STARD9: variants seen among roughly 807,000 people sequenced by gnomAD.
STARD9 encodes StAR related lipid transfer domain containing 9.
In STARD9, 346 loss-of-function variants were observed where a neutral mutation model predicts 399.8. That is an observed-to-expected ratio of 0.87 (90% CI 0.79 to 0.95). The LOEUF (loss-of-function observed/expected upper bound fraction) is 0.95, where lower values mean the gene tolerates loss of function less well. Ranked by LOEUF, STARD9 falls within the 40% of genes least tolerant of loss-of-function variation. The probability of loss-of-function intolerance (pLI) is 0.00; values close to 1 mark genes in which losing one functional copy is unlikely to be tolerated. For missense variants in STARD9, 5,832 were observed against 5,667.5 expected (o/e 1.03, Z -0.93); for synonymous variants, 2,203 against 2,143.5 (o/e 1.03, Z -0.77).
intron 7 of STARD9, among the ~76,000 whole-genome samples, chr15:42,639,708 C>T (rs1231341393): frequency 2.0e-5 from 3 of 151,922 alleles, no homozygotes; most frequent in Admixed American, 2.0e-4. Flanking sequence ...ACTAAAAATA[C>T]AAAAGATTAG....
chr15:42,675,557 T>A, intron 18 of STARD9, 107 bp from the exon 19 acceptor site: 1 of 794,438 alleles, frequency 1.3e-6, no homozygotes, highest in South Asian at 1.6e-5. Context: ...AGCAAAATTA[T>A]CAGTTATCGA....
intron 26 of STARD9, among the ~76,000 whole-genome samples, chr15:42,711,643 A>G (rs2061226253): frequency 6.6e-6 from 1 of 152,174 alleles, no homozygotes; most frequent in Non-Finnish European, 1.5e-5. Flanking sequence ...ATGTTGTAAA[A>G]TATATGAGAG....
intron 3 of STARD9, among the ~76,000 whole-genome samples, chr15:42,587,498 C>G (rs1433895199): frequency 6.6e-6 from 1 of 152,216 alleles, no homozygotes; most frequent in Non-Finnish European, 1.5e-5. Flanking sequence ...TGAGTCTTCT[C>G]TGTCCTTTTG....
At position 42,675,745 on chromosome 15, in the gene STARD9, A is replaced by T; in HGVS notation, c.1769A>T (p.Gln590Leu). The T allele has an allele frequency of 2.6e-6, 4 of 1,537,028 alleles. No individual in the cohort carries two copies. Among genetic ancestry groups the T allele is most frequent in the Non-Finnish European group, 3.5e-6 (4 of 1,146,708 alleles). Residue 590 changes from glutamine (Q) to leucine (L), a missense_variant and splice_region_variant, in exon 19 of 33, where the codon CAG becomes CTG. By Grantham distance (113) the Gln-to-Leu change is moderately radical (BLOSUM62 -2). This residue lies in a region of STARD9 where 5,828 missense variants were observed against 5,651.1 expected (regional missense o/e 1.03). Transcript: ENST00000290607. Reference sequence around the variant, plus strand: ...GCTGCTGTCCTGCGGCAGCGAAGGCAGGTTAGCAGGGCTGTGTTTTCTAGG... The same window carrying T: ...GCTGCTGTCCTGCGGCAGCGAAGGCTGGTTAGCAGGGCTGTGTTTTCTAGG... ...AEAAVLRQRR[Q>L]VGEAAAGRGS... is the part of the protein sequence containing the mutation.
intron 3 of STARD9, among the ~76,000 whole-genome samples, chr15:42,601,584 C>A (rs2058631639): frequency 2.7e-5 from 4 of 150,940 alleles, no homozygotes; most frequent in African/African-American, 9.7e-5. Context: ...GGCTGCCCCC[C>A]CACCTCCCGG....
At chr15:42,586,414 CAA>C in intron 3 of STARD9, among the ~76,000 whole-genome samples, 1 of 152,316 alleles carries the variant, frequency 6.6e-6, no homozygotes, top group East Asian at 1.9e-4. Flanking sequence ...AGCTCTCGGT[CAA>C]GTTTCCAAGG....
chr15:42,595,915 A>G (rs2058493831), intron 3 of STARD9, among the ~76,000 whole-genome samples: 1 of 152,172 alleles, frequency 6.6e-6, no homozygotes, highest in African/African-American at 2.4e-5. Context: ...GCTGGATTTT[A>G]ATCTAACTTG....
chr15:42,645,121 A>G (rs1307837304), intron 7 of STARD9, among the ~76,000 whole-genome samples: 1 of 152,202 alleles, frequency 6.6e-6, no homozygotes, highest in Non-Finnish European at 1.5e-5. Flanking sequence ...AAACCCCTCA[A>G]TGTTGATATT....
chr15:42,685,546 G>A lies in STARD9; in HGVS notation c.3968G>A (p.Gly1323Asp). ...TCTGAACAAGCCGACTCTCTCCAAG[G>A]CATGCAGCTTTCAAGAGAGAGCCCA... is the stretch of plus-strand genomic sequence containing the variant. ...SYSEQADSLQ[G>D]MQLSRESPLM... The change falls in exon 23 of 33, where the codon GGC becomes GAC. Residue 1323 changes from glycine (G) to aspartate (D), a missense_variant. Gly to Asp is a moderately conservative substitution (Grantham distance 94, BLOSUM62 -1). Around this residue, in one of 2 missense-constraint regions of STARD9, gnomAD observed 5,828 missense variants for 5,651.1 expected, o/e 1.03. Transcript: ENST00000290607. 1 of 1,537,520 alleles carries A rather than the reference G, an allele frequency of 6.5e-7. No homozygotes were observed. Among genetic ancestry groups the A allele is most frequent in the Non-Finnish European group, 8.7e-7 (1 of 1,147,008 alleles).
intron 26 of STARD9, among the ~76,000 whole-genome samples, chr15:42,705,918 A>C (rs1048644359): frequency 1.3e-5 from 2 of 151,500 alleles, no homozygotes; most frequent in South Asian, 4.2e-4. Flanking sequence ...ACGCCTGGCT[A>C]ATTTTTGTGT....
rs1468219014 is a variant in STARD9 at position 42,716,714 on chromosome 15, T to A, written c.13322T>A (p.Ile4441Lys). Residue 4441 changes from isoleucine (I) to lysine (K), a missense_variant, in exon 27 of 33, where the codon ATA becomes AAA. Ile to Lys is a moderately radical substitution (Grantham distance 102, BLOSUM62 -3). Transcript: ENST00000290607. Reference sequence around the variant, plus strand: ...TTGCCTGATTCCAGGGATGTATGGATAGGGGATGAGCGAGGAGGCCATTCT... The same window carrying A: ...TTGCCTGATTCCAGGGATGTATGGAAAGGGGATGAGCGAGGAGGCCATTCT... ...TNLPDSRDVW[I>K]GDERGGHSAV... 3 of 1,536,920 alleles carry A rather than the reference T, an allele frequency of 2.0e-6. No individual in the cohort carries two copies. In the African/African-American group the frequency reaches 4.1e-5, roughly 21 times the overall value.
Position 42,687,404 on chromosome 15 carries a change from A to G in STARD9, c.5826A>G (p.Glu1942=). ...NVSLEKDMPG[E]SAVSLKSRSV... ...GCCTTGAGAAAGACATGCCAGGGGA[A>G]AGTGCTGTTTCTTTGAAATCCAGAT... is the stretch of plus-strand genomic sequence containing the variant. The change falls in exon 23 of 33, where the codon GAA becomes GAG. Residue 1942 remains glutamate (E), a synonymous_variant. Transcript: ENST00000290607. 6.5e-7 allele frequency: 1 copy of G among 1,536,914 alleles called. No individual in the cohort carries two copies. Among genetic ancestry groups the G allele is most frequent in the Non-Finnish European group, 8.7e-7 (1 of 1,146,910 alleles).
rs777883966 is a variant in STARD9, at chr15:42,687,527, A to G, written c.5949A>G (p.Lys1983=). The G allele has an allele frequency of 1.2e-5, 19 of 1,536,788 alleles. No individual in the cohort carries two copies. Among genetic ancestry groups the G allele is most frequent in the Non-Finnish European group, 1.4e-5 (16 of 1,146,718 alleles). ...AAAATGAAACTGGGCTTCTTGAAAA[A>G]GGTCTTCGTCCCAAAGATAGCTCAG... is the stretch of plus-strand genomic sequence containing the variant. ...EGKNETGLLE[K]GLRPKDSSEE... is the part of the protein sequence containing the mutation. The change falls in exon 23 of 33, where the codon AAA becomes AAG. Residue 1983 remains lysine, a synonymous_variant. Coordinates refer to ENST00000290607, the MANE Select transcript of STARD9 (RefSeq NM_020759.3).
At position 42,640,886 on chromosome 15, in the gene STARD9, CAT is replaced by C. The variant is rs560294077; in HGVS notation, c.559+2076_559+2077del. Among the ~76,000 whole-genome samples, 8 of 148,382 alleles carry C rather than the reference CAT, an allele frequency of 5.4e-5. No individual in the cohort carries two copies. The South Asian group carries it at 1.7e-3, about 32-fold the overall frequency. ...AGGAGTAACCATAGGAGACCTCAGA[CAT>C]AGTTCAGATATCCGCATTATACAGA... On this transcript the variant is annotated intron_variant, in intron 7 of 32. Coordinates refer to ENST00000290607, the MANE Select transcript of STARD9 (RefSeq NM_020759.3).
At chr15:42,607,856 G>A (rs1328637235) in intron 3 of STARD9, among the ~76,000 whole-genome samples, 1 of 151,956 alleles carries the variant, frequency 6.6e-6, no homozygotes, top group Non-Finnish European at 1.5e-5. Flanking sequence ...TTAGGCATTT[G>A]TCAGCTCCGT....
chr15:42,603,081 G>A lies in STARD9; in HGVS notation c.234+17444G>A, dbSNP rs547612239. ...TATATTCTTTTCCAGGATAAAGTTT[G>A]AGGTGGTTGTTACAATATGTTGGCT... On this transcript the variant is annotated intron_variant, in intron 3 of 32. Transcript: ENST00000290607. Among the ~76,000 whole-genome samples the A allele has an allele frequency of 1.3e-4, 20 of 152,216 alleles. No homozygotes were observed. The South Asian group carries it at 3.9e-3, about 30-fold the overall frequency.
chr15:42,714,306 TC>T (rs1207055297), intron 26 of STARD9, among the ~76,000 whole-genome samples: 2 of 152,078 alleles, frequency 1.3e-5, no homozygotes, highest in Non-Finnish European at 2.9e-5. Context: ...GACCTCGTGA[TC>T]CACCCGCCTC....
chr15:42,685,814 G>A lies in STARD9; in HGVS notation c.4236G>A (p.Glu1412=). The A allele has an allele frequency of 2.6e-6, 4 of 1,537,202 alleles. No homozygotes were observed. Among genetic ancestry groups the A allele is most frequent in the Non-Finnish European group, 3.5e-6 (4 of 1,146,948 alleles). Residue 1412 remains glutamate, a synonymous_variant, in exon 23 of 33, where the codon GAG becomes GAA. Transcript: ENST00000290607. ...AGCTCCTCTGCAGTGCAAGAGATGA[G>A]CACACAGCCTCTGCTGCTGATACGT... ...STELLCSARD[E]HTASAADTSR...
At chr15:42,583,483 C>A (rs2141661654) in intron 2 of STARD9, 68 bp downstream of exon 2, 2 of 1,175,386 alleles carry the variant, frequency 1.7e-6, no homozygotes, top group South Asian at 1.3e-5. Context: ...GGCTTCCAGG[C>A]TGAAGGTGTA....
Sources: gnomAD v4.1 joint callset for allele counts (sites outside exome capture counted in the v4.1 genomes callset) on GRCh38, gnomAD v4.1.1 for gene constraint, gnomAD v4.1.1 regional missense constraint, MANE v1.5 for transcripts, NCBI Gene and HGNC (gene_info 2026-07-23, HGNC 2026-07-21) for gene names.